Variants in EXOC6B observed in about 807,000 individuals in gnomAD.
EXOC6B encodes the protein SEC15 homolog B.
A neutral mutation model predicts 113.5 loss-of-function variants in EXOC6B; 54 were observed. The observed-to-expected ratio is 0.48, with a 90% CI of 0.38 to 0.60. EXOC6B has a LOEUF of 0.60. Ranked by LOEUF, EXOC6B falls within the 20% of genes least tolerant of loss-of-function variation. The pLI is 0.00. For missense variants in EXOC6B, 797 were observed against 977.5 expected (o/e 0.82, Z 2.46); for synonymous variants, 357 against 339.0 (o/e 1.05, Z -0.58).
At chr2:72,291,457 C>T (rs1685785156) in intron 20 of EXOC6B, among the ~76,000 whole-genome samples, 1 of 152,192 alleles carries the variant, frequency 6.6e-6, no homozygotes, top group East Asian at 1.9e-4. Context: ...CTTTGGATAA[C>T]TTTCAGTAGA....
intron 6 of EXOC6B, among the ~76,000 whole-genome samples, chr2:72,655,390 C>T (rs1390462114): frequency 1.3e-5 from 2 of 151,682 alleles, no homozygotes; most frequent in Admixed American, 6.6e-5. Context: ...AGACATCAGA[C>T]TTCTACCATA....
At chr2:72,419,890 C>T (rs111939708) in intron 18 of EXOC6B, among the ~76,000 whole-genome samples, 10 of 152,208 alleles carry the variant, frequency 6.6e-5, no homozygotes, top group African/African-American at 2.2e-4. Flanking sequence ...ATTCTACTTT[C>T]CCCTTTCTCT....
intron 20 of EXOC6B, among the ~76,000 whole-genome samples, chr2:72,242,955 A>C (rs911594444): frequency 5.3e-5 from 8 of 152,116 alleles, no homozygotes; most frequent in African/African-American, 1.9e-4. Context: ...GGCTTGTCTT[A>C]AACTCTTGGG....
chr2:72,367,705 G>A (rs569001196), intron 19 of EXOC6B, among the ~76,000 whole-genome samples: 6 of 152,256 alleles, frequency 3.9e-5, no homozygotes, highest in African/African-American at 9.6e-5. Flanking sequence ...GTGGTTGAAC[G>A]GCCTGGAGAG....
chr2:72,631,998 C>T (rs1488472123), intron 6 of EXOC6B, among the ~76,000 whole-genome samples: 1 of 151,964 alleles, frequency 6.6e-6, no homozygotes, highest in East Asian at 1.9e-4. Flanking sequence ...AAAACACATA[C>T]AAACCATTTT....
At chr2:72,343,216 A>T (rs981952264) in intron 19 of EXOC6B, among the ~76,000 whole-genome samples, 1 of 152,200 alleles carries the variant, frequency 6.6e-6, no homozygotes, top group East Asian at 1.9e-4. Context: ...ACTTGAGGCC[A>T]GGAGTTCAAG....
intron 8 of EXOC6B, among the ~76,000 whole-genome samples, chr2:72,543,861 C>T (rs1702755905): frequency 6.6e-6 from 1 of 152,168 alleles, no homozygotes; most frequent in Admixed American, 6.5e-5. Context: ...GGAGACTGAT[C>T]AGACAACCTG....
At chr2:72,236,345 G>A (rs770017481) in intron 20 of EXOC6B, among the ~76,000 whole-genome samples, 2 of 152,122 alleles carry the variant, frequency 1.3e-5, no homozygotes, top group Non-Finnish European at 2.9e-5. Context: ...GGTTTTCTCC[G>A]AGCTTAGAAA....
At chr2:72,289,345 T>C (rs766816155) in intron 20 of EXOC6B, among the ~76,000 whole-genome samples, 3 of 152,162 alleles carry the variant, frequency 2.0e-5, no homozygotes, top group Non-Finnish European at 4.4e-5. Context: ...TGTTCTATAA[T>C]AAAATGTTTA....
At chr2:72,606,393 C>T (rs1670756153) in intron 6 of EXOC6B, among the ~76,000 whole-genome samples, 1 of 151,720 alleles carries the variant, frequency 6.6e-6, no homozygotes, top group Admixed American at 6.6e-5. Flanking sequence ...AAACAGTAAA[C>T]ATTAAAAATT....
rs370275072 is a variant in EXOC6B, at chr2:72,704,848, T to C, written c.669+13255A>G. Among the ~76,000 whole-genome samples, 506 of 150,210 alleles carry C rather than the reference T, an allele frequency of 3.4e-3. 1 individual carries two copies. Among genetic ancestry groups the C allele is most frequent in the Non-Finnish European group, 5.9e-3 (392 of 66,956 alleles). On this transcript the variant is annotated intron_variant, in intron 6 of 21. Coordinates refer to ENST00000272427, the MANE Select transcript of EXOC6B (RefSeq NM_015189.3). Reference sequence around the variant, plus strand: ...GTGGCAATAATCAATAGCTTACCAATCAAAAAGAGTCCAGGACCAGATGGA... The same window carrying C: ...GTGGCAATAATCAATAGCTTACCAACCAAAAAGAGTCCAGGACCAGATGGA...
chr2:72,317,566 C>CAT (rs1470784226), intron 20 of EXOC6B, among the ~76,000 whole-genome samples: 1 of 147,730 alleles, frequency 6.8e-6, no homozygotes, highest in Admixed American at 6.7e-5. Context: ...ACATCACACA[C>CAT]ACACACACAC....
At chr2:72,764,206 T>C (rs1181544385) in intron 1 of EXOC6B, among the ~76,000 whole-genome samples, 1 of 152,046 alleles carries the variant, frequency 6.6e-6, no homozygotes, top group African/African-American at 2.4e-5. Flanking sequence ...TTCCTTTTCC[T>C]CTCCTCTCAA....
intron 20 of EXOC6B, among the ~76,000 whole-genome samples, chr2:72,245,957 T>A (rs942349612): frequency 1.3e-5 from 2 of 152,236 alleles, no homozygotes; most frequent in East Asian, 3.8e-4. Context: ...CTTGCTTAAA[T>A]TCCATTGATG....
chr2:72,233,020 C>T (rs1048974264), intron 20 of EXOC6B, among the ~76,000 whole-genome samples: 2 of 150,642 alleles, frequency 1.3e-5, no homozygotes, highest in Non-Finnish European at 3.0e-5. Context: ...TTCAGTGAGC[C>T]GAGACCATGC....
chr2:72,484,127 C>T (rs1369203173), intron 16 of EXOC6B, among the ~76,000 whole-genome samples: 2 of 151,560 alleles, frequency 1.3e-5, no homozygotes, highest in Non-Finnish European at 2.9e-5. Context: ...ACATAGCACA[C>T]CTTGGAGGTA....
intron 1 of EXOC6B, among the ~76,000 whole-genome samples, chr2:72,779,707 C>T (rs1442358370): frequency 6.6e-6 from 1 of 152,144 alleles, no homozygotes; most frequent in African/African-American, 2.4e-5. Flanking sequence ...GGTCCCAGAA[C>T]ACATAAGAAT....
At chr2:72,469,969 AC>A (rs1698294100) in intron 17 of EXOC6B, among the ~76,000 whole-genome samples, 1 of 152,118 alleles carries the variant, frequency 6.6e-6, no homozygotes, top group Admixed American at 6.6e-5. Flanking sequence ...ATTTTCTAAT[AC>A]TAATCATTCA....
intron 1 of EXOC6B, among the ~76,000 whole-genome samples, chr2:72,814,598 A>C (rs4852893): frequency 0.92 from 140,135 of 152,332 alleles, 64,529 homozygotes; most frequent in East Asian, 0.99. Flanking sequence ...TATTTTAAAG[A>C]TCTAACAGGT....
Sources: allele counts gnomAD v4.1 joint callset (sites outside exome capture counted in the v4.1 genomes callset), GRCh38; gene constraint gnomAD v4.1.1; transcripts MANE v1.5; gene names NCBI Gene and HGNC (gene_info 2026-07-23, HGNC 2026-07-21).